MAP4K3: variants seen among roughly 807,000 people sequenced by gnomAD.
MAP4K3 encodes the protein mitogen-activated protein kinase kinase kinase kinase 3.
Under a neutral mutation model 143.5 loss-of-function variants are expected in MAP4K3, and 94 were observed. That is an observed-to-expected ratio of 0.65 (90% CI 0.55 to 0.78). The LOEUF (loss-of-function observed/expected upper bound fraction) is 0.78, where lower values mean the gene tolerates loss of function less well. Ranked by LOEUF, MAP4K3 falls within the 30% of genes least tolerant of loss-of-function variation. MAP4K3 has a pLI of 0.00. For synonymous variants in MAP4K3, 416 were observed against 347.2 expected (o/e 1.20, Z -2.20); for missense variants, 1,077 against 1,068.1 (o/e 1.01, Z -0.12).
chr2:39,392,132 C>T (rs1558683875), intron 1 of MAP4K3, among the ~76,000 whole-genome samples: 1 of 125,948 alleles, frequency 7.9e-6, no homozygotes, highest in Non-Finnish European at 1.5e-5. Context: ...TTGCAGTGAG[C>T]TGAGATTGCA....
chr2:39,380,716 T>G (rs150085637), intron 1 of MAP4K3, among the ~76,000 whole-genome samples: 73 of 152,296 alleles, frequency 4.8e-4, no homozygotes, highest in African/African-American at 1.7e-3. Flanking sequence ...CTTATAACTC[T>G]GCAAGGGTAC....
intron 1 of MAP4K3, among the ~76,000 whole-genome samples, chr2:39,383,304 C>G (rs151030448): frequency 2.6e-5 from 4 of 152,124 alleles, no homozygotes; most frequent in Admixed American, 2.6e-4. Flanking sequence ...CACGTGGCAA[C>G]AGGAATGAAA....
At chr2:39,367,999 T>C (rs1247606604) in intron 2 of MAP4K3, among the ~76,000 whole-genome samples, 2 of 152,172 alleles carry the variant, frequency 1.3e-5, no homozygotes, top group African/African-American at 2.4e-5. Flanking sequence ...AGGGCTTAAC[T>C]TGAGCTTCCT....
intron 15 of MAP4K3, among the ~76,000 whole-genome samples, chr2:39,304,622 G>C (rs1376508656): frequency 1.3e-5 from 2 of 152,226 alleles, no homozygotes; most frequent in Non-Finnish European, 2.9e-5. Flanking sequence ...TCGCTGGTGG[G>C]AATGTAAAAT....
chr2:39,380,531 C>A (rs185838442), intron 1 of MAP4K3, among the ~76,000 whole-genome samples: 1 of 151,798 alleles, frequency 6.6e-6, no homozygotes, highest in Non-Finnish European at 1.5e-5. Context: ...AATATTAGCA[C>A]GTATAAAGTT....
chr2:39,288,336 G>C, intron 19 of MAP4K3, 56 bp from the exon 20 acceptor site: 1 of 1,493,538 alleles, frequency 6.7e-7, no homozygotes, highest in Non-Finnish European at 9.3e-7. Context: ...TTTTCCTGAA[G>C]TAAGTACTAT....
At chr2:39,307,488 A>G (rs1175255535) in intron 15 of MAP4K3, among the ~76,000 whole-genome samples, 1 of 152,008 alleles carries the variant, frequency 6.6e-6, no homozygotes, top group Non-Finnish European at 1.5e-5. Flanking sequence ...TATGTACCAT[A>G]TATTATCTGA....
At chr2:39,423,306 T>G (rs949369184) in intron 1 of MAP4K3, among the ~76,000 whole-genome samples, 1 of 152,174 alleles carries the variant, frequency 6.6e-6, no homozygotes, top group African/African-American at 2.4e-5. Flanking sequence ...GAACTCTCAT[T>G]CATTGCTGTT....
At chr2:39,408,512 C>A (rs772437624) in intron 1 of MAP4K3, among the ~76,000 whole-genome samples, 1 of 152,014 alleles carries the variant, frequency 6.6e-6, no homozygotes, top group Non-Finnish European at 1.5e-5. Flanking sequence ...ACAGAAAAAA[C>A]CTTTAAAGCC....
At chr2:39,304,123 T>G (rs1294717539) in intron 15 of MAP4K3, among the ~76,000 whole-genome samples, 1 of 150,756 alleles carries the variant, frequency 6.6e-6, no homozygotes, top group East Asian at 2.0e-4. Context: ...GCCCTATTCT[T>G]CTGGCTTCAT....
chr2:39,329,265 T>C (rs1683607648), intron 8 of MAP4K3, among the ~76,000 whole-genome samples: 1 of 152,142 alleles, frequency 6.6e-6, no homozygotes, highest in African/African-American at 2.4e-5. Flanking sequence ...ACAGTGTACT[T>C]AAAAATGACA....
At chr2:39,272,237 A>G (rs777971934) in intron 26 of MAP4K3, 46 bp downstream of exon 26, 1 of 1,351,890 alleles carries the variant, frequency 7.4e-7, no homozygotes, top group Non-Finnish European at 1.0e-6. Context: ...AATATTTATG[A>G]GAATGAACTG....
At chr2:39,301,978 T>C (rs11684740) in intron 15 of MAP4K3, among the ~76,000 whole-genome samples, 143,888 of 151,966 alleles carry the variant, frequency 0.95, 68,628 homozygotes, top group East Asian at 1. Context: ...GAGCCAACAT[T>C]GCGCCACTAC....
At chr2:39,422,899 T>C (rs1375712091) in intron 1 of MAP4K3, among the ~76,000 whole-genome samples, 2 of 151,994 alleles carry the variant, frequency 1.3e-5, no homozygotes, top group Admixed American at 6.6e-5. Context: ...ACCAAAGGCA[T>C]GACTCATGAA....
intron 6 of MAP4K3, among the ~76,000 whole-genome samples, chr2:39,334,744 G>C (rs1026648454): frequency 6.6e-6 from 1 of 152,078 alleles, no homozygotes; most frequent in Non-Finnish European, 1.5e-5. Flanking sequence ...TAGTAGTCAG[G>C]TGCTATTTTA....
chr2:39,262,071 T>C (rs1206971722), intron 28 of MAP4K3, among the ~76,000 whole-genome samples: 1 of 152,218 alleles, frequency 6.6e-6, no homozygotes, highest in Non-Finnish European at 1.5e-5. Flanking sequence ...TTTTGTTGCT[T>C]TTATAAACTG....
Position 39,315,326 on chromosome 2 carries a change from T to C in MAP4K3, c.981A>G (p.Thr327=). 3.1e-6 allele frequency: 5 copies of C among 1,608,818 alleles called. No individual in the cohort carries two copies. The highest frequency in any genetic ancestry group is 4.3e-6 in the Non-Finnish European group (5 of 1,175,638). The change falls in exon 13 of 34, where the codon ACA becomes ACG. Residue 327 remains threonine (T), a synonymous_variant. Coordinates refer to ENST00000263881, the MANE Select transcript of MAP4K3 (RefSeq NM_003618.4). ...STSRNVREEK[T]RSEITFGQVK... is the part of the protein sequence containing the mutation. ...TATACTTACAGGTTATCTCTGAGCGTGTTTTTTCTTCTCTCACGTTTCTAC... is the reference window on the plus strand; with the variant it reads ...TATACTTACAGGTTATCTCTGAGCGCGTTTTTTCTTCTCTCACGTTTCTAC...
intron 3 of MAP4K3, among the ~76,000 whole-genome samples, chr2:39,346,821 T>C (rs1318267861): frequency 6.6e-6 from 1 of 152,114 alleles, no homozygotes; most frequent in Non-Finnish European, 1.5e-5. Context: ...AGAATTACCA[T>C]TTGGCACTTC....
At chr2:39,372,492 G>GAA (rs556275987) in intron 2 of MAP4K3, among the ~76,000 whole-genome samples, 2 of 123,208 alleles carry the variant, frequency 1.6e-5, no homozygotes, top group African/African-American at 5.9e-5. Context: ...CTATCCTAAG[G>GAA]AAAAAAAAAA....
Sources: gnomAD v4.1 joint callset for allele counts (sites outside exome capture counted in the v4.1 genomes callset) on GRCh38, gnomAD v4.1.1 for gene constraint, MANE v1.5 for transcripts, NCBI Gene and HGNC (gene_info 2026-07-23, HGNC 2026-07-21) for gene names.